The following MYO16 variants were observed in gnomAD, a reference collection of about 807,000 sequenced individuals.
MYO16 encodes myosin XVI.
MYO16 carries 94 observed loss-of-function variants against 205.3 expected under a neutral mutation model. The observed-to-expected ratio is 0.46, with a 90% CI of 0.39 to 0.54. The LOEUF (loss-of-function observed/expected upper bound fraction) is 0.54, where lower values mean the gene tolerates loss of function less well. Ranked by LOEUF, MYO16 falls within the 20% of genes least tolerant of loss-of-function variation. MYO16 has a pLI of 0.00. For missense variants in MYO16, 2,315 were observed against 2,387.5 expected (o/e 0.97, Z 0.63); for synonymous variants, 988 against 954.0 (o/e 1.04, Z -0.66).
intron 1 of MYO16, among the ~76,000 whole-genome samples, chr13:108,659,773 A>G (rs893298010): frequency 6.6e-6 from 1 of 152,128 alleles, no homozygotes; most frequent in African/African-American, 2.4e-5. Context: ...CAACAGCAAA[A>G]CTATTGACTA....
intron 2 of MYO16, among the ~76,000 whole-genome samples, chr13:108,683,043 C>T (rs1322316829): frequency 6.6e-6 from 1 of 152,066 alleles, no homozygotes; most frequent in African/African-American, 2.4e-5. Context: ...CATCCTTACC[C>T]CCATCTCAAA....
At position 109,201,954 on chromosome 13, in the gene MYO16, C is replaced by T. The variant is rs188477641; in HGVS notation, c.5416-4655C>T. ...TACTTTTTATGCCAGAGTAGTATTC[C>T]ATCATATATATATATATGTACACAC... On this transcript the variant is annotated intron_variant, in intron 34 of 34. Transcript: ENST00000457511. 2.4e-3 allele frequency among the ~76,000 whole-genome samples: 364 copies of T among 151,694 alleles called. 1 individual carries two copies. The highest frequency in any genetic ancestry group is 8.5e-3 in the African/African-American group (352 of 41,228).
At chr13:109,043,327 C>T (rs1886938727) in intron 23 of MYO16, among the ~76,000 whole-genome samples, 1 of 152,118 alleles carries the variant, frequency 6.6e-6, no homozygotes. Context: ...TATCAAAAAA[C>T]AAGCCCATAG....
intron 4 of MYO16, among the ~76,000 whole-genome samples, chr13:108,757,716 G>A (rs921704842): frequency 5.9e-5 from 9 of 152,076 alleles, no homozygotes; most frequent in African/African-American, 2.2e-4. Context: ...ACCTATGAGT[G>A]AGAACATGCG....
chr13:108,621,741 G>T (rs1184918968), intron 1 of MYO16, among the ~76,000 whole-genome samples: 1 of 152,056 alleles, frequency 6.6e-6, no homozygotes, highest in South Asian at 2.1e-4. Flanking sequence ...CTCACATCAG[G>T]CATCAGTAGG....
intron 1 of MYO16, among the ~76,000 whole-genome samples, chr13:108,608,574 C>T (rs1393069114): frequency 6.6e-6 from 1 of 152,090 alleles, no homozygotes; most frequent in Non-Finnish European, 1.5e-5. Flanking sequence ...TAAATACACA[C>T]ACGCATACAT....
intron 4 of MYO16, among the ~76,000 whole-genome samples, chr13:108,775,001 G>C (rs776940444): frequency 1.3e-5 from 2 of 152,130 alleles, no homozygotes; most frequent in Non-Finnish European, 2.9e-5. Context: ...TATTGTTCCT[G>C]TATTATGAAG....
intron 20 of MYO16, among the ~76,000 whole-genome samples, chr13:108,972,372 A>AGCCATC (rs1449394041): frequency 3.9e-5 from 2 of 50,768 alleles, no homozygotes; most frequent in African/African-American, 2.2e-4. Context: ...ATATATATAT[A>AGCCATC]TATATATATA....
At chr13:108,561,393 C>A in the MYO16 span, among the ~76,000 whole-genome samples, 2 of 152,182 alleles carry the variant, frequency 1.3e-5, no homozygotes, top group African/African-American at 4.8e-5. Context: ...CTGGCAAAAC[C>A]CTTGCTGACA....
At chr13:108,529,218 T>A in the MYO16 span, among the ~76,000 whole-genome samples, 3 of 152,306 alleles carry the variant, frequency 2.0e-5, no homozygotes, top group Admixed American at 6.5e-5. Context: ...TTTTTTCTGA[T>A]CTTTGATTCT....
intron 7 of MYO16, among the ~76,000 whole-genome samples, chr13:108,818,407 T>TA (rs1405259148): frequency 7.1e-6 from 1 of 140,626 alleles, no homozygotes; most frequent in African/African-American, 2.8e-5. Context: ...TAATAATAAA[T>TA]AAAAATAAAA....
intron 16 of MYO16, among the ~76,000 whole-genome samples, chr13:108,933,519 A>G (rs956070590): frequency 2.2e-4 from 32 of 147,696 alleles, no homozygotes; most frequent in South Asian, 2.1e-4. Flanking sequence ...GTGTGTGTGT[A>G]TGTGTGTGTG....
chr13:109,023,125 A>T (rs1886153331), intron 23 of MYO16, among the ~76,000 whole-genome samples: 1 of 131,782 alleles, frequency 7.6e-6, no homozygotes, highest in South Asian at 2.3e-4. Context: ...ATATAACAAT[A>T]TATAAATTTA....
intron 32 of MYO16, among the ~76,000 whole-genome samples, chr13:109,144,827 C>T (rs1877256553): frequency 6.6e-6 from 1 of 152,188 alleles, no homozygotes; most frequent in Non-Finnish European, 1.5e-5. Context: ...TAATTCACTG[C>T]TTTAGTTATT....
At chr13:108,523,606 C>T in the MYO16 span, among the ~76,000 whole-genome samples, 1 of 152,196 alleles carries the variant, frequency 6.6e-6, no homozygotes, top group African/African-American at 2.4e-5. Context: ...CTTTTCAAAA[C>T]CTGGCCTGAG....
chr13:108,822,973 A>G (rs1876058952), intron 8 of MYO16, 152 bp from the exon 9 acceptor site: 1 of 666,296 alleles, frequency 1.5e-6, no homozygotes, highest in Non-Finnish European at 2.5e-6. Context: ...CTTCAATTTT[A>G]TCCCAGCCGT....
chr13:109,144,964 T>G (rs955445836), intron 32 of MYO16, among the ~76,000 whole-genome samples: 3 of 152,264 alleles, frequency 2.0e-5, no homozygotes, highest in Non-Finnish European at 4.4e-5. Context: ...AATTCTATGT[T>G]GCCCAAACCA....
chr13:109,069,416 T>C (rs898292431), intron 27 of MYO16, among the ~76,000 whole-genome samples: 4 of 152,284 alleles, frequency 2.6e-5, no homozygotes, highest in Non-Finnish European at 2.9e-5. Context: ...ACTTCAGCAT[T>C]GTAGTCTGAG....
chr13:109,195,887 A>G (rs771298433), intron 34 of MYO16, among the ~76,000 whole-genome samples: 5 of 152,230 alleles, frequency 3.3e-5, no homozygotes, highest in Non-Finnish European at 7.3e-5. Flanking sequence ...AAGAAATTTT[A>G]TATCTTATGT....
Sources: allele counts gnomAD v4.1 joint callset (sites outside exome capture counted in the v4.1 genomes callset), GRCh38; gene constraint gnomAD v4.1.1; transcripts MANE v1.5; gene names NCBI Gene and HGNC (gene_info 2026-07-23, HGNC 2026-07-21).